Variants in GFRA2 observed in about 807,000 individuals in gnomAD.
GFRA2 encodes GDNF family receptor alpha-2.
Under a neutral mutation model 48.3 loss-of-function variants are expected in GFRA2, and 17 were observed. The ratio of observed to expected loss-of-function variants is 0.35; its 90% CI spans 0.24 to 0.53. The LOEUF is 0.53. Ranked by LOEUF, GFRA2 falls within the 20% of genes least tolerant of loss-of-function variation. The pLI is 0.93. For synonymous variants in GFRA2, 305 were observed against 257.2 expected (o/e 1.19, Z -1.78); for missense variants, 660 against 637.3 (o/e 1.04, Z -0.38).
rs1346574607 is a variant in GFRA2 at position 21,690,941 on chromosome 8, G to A, written c.*2337C>T. On this transcript the variant is annotated 3_prime_UTR_variant, in exon 9 of 9. Transcript: ENST00000524240. The stretch of plus-strand genomic sequence containing the variant: ...AAAGAACACGGATTCCTAAGTGGAT[G>A]CCATGACCACGTCTACCCGCAATGG... The A allele has an allele frequency of 6.6e-6, 1 of 152,224 alleles. No individual in the cohort carries two copies. Among genetic ancestry groups the A allele is most frequent in the Non-Finnish European group, 1.5e-5 (1 of 68,044 alleles). The allele number at this position is 152,224 out of a possible 1,614,324, so 9.4% of individuals were successfully genotyped here. A position where few individuals can be genotyped will look rare whatever the true frequency, so the allele number is the denominator to read the frequency against.
chr8:21,783,206 G>A, intron 1 of GFRA2: 1 of 526,408 alleles, frequency 1.9e-6, no homozygotes, highest in Non-Finnish European at 3.6e-6. Flanking sequence ...AAGACGTCAG[G>A]AGCCCAGAGG....
rs139294629 is a variant in GFRA2 at position 21,723,846 on chromosome 8, C to T, written c.795-17805G>A. On this transcript the variant is annotated intron_variant, in intron 4 of 8. Coordinates refer to ENST00000524240, the MANE Select transcript of GFRA2 (RefSeq NM_001495.5). ...CAGTTCCTTCATCCCGCTTGTGCAG[C>T]GGGCATCTGGGGTGCTAGGTCAAAG... 3.8e-4 allele frequency among the ~76,000 whole-genome samples: 58 copies of T among 152,276 alleles called. 1 individual carries two copies. In the East Asian group the frequency reaches 8.5e-3, roughly 22 times the overall value.
At chr8:21,715,362 G>A (rs893804656) in intron 4 of GFRA2, among the ~76,000 whole-genome samples, 3 of 152,212 alleles carry the variant, frequency 2.0e-5, no homozygotes, top group Admixed American at 6.5e-5. Flanking sequence ...AGGCTGGAGT[G>A]CAATGGCGTG....
intron 1 of GFRA2, among the ~76,000 whole-genome samples, chr8:21,784,485 G>A (rs1053695551): frequency 7.9e-5 from 12 of 152,194 alleles, no homozygotes; most frequent in African/African-American, 2.9e-4. Flanking sequence ...TCCCCCGGGA[G>A]GCCCTGCTCA....
At chr8:21,748,088 C>A (rs971489246) in intron 4 of GFRA2, among the ~76,000 whole-genome samples, 1 of 152,190 alleles carries the variant, frequency 6.6e-6, no homozygotes, top group African/African-American at 2.4e-5. Context: ...TGAGCTCTAG[C>A]AACCCCTCCT....
intron 3 of GFRA2, among the ~76,000 whole-genome samples, chr8:21,760,206 T>C (rs1805832974): frequency 6.6e-6 from 1 of 152,158 alleles, no homozygotes; most frequent in South Asian, 2.1e-4. Context: ...CTTCAGATTT[T>C]ATTCTAAAAT....
At position 21,810,306 on chromosome 8, in the gene GFRA2, C is replaced by G. The variant is rs144619133; in HGVS notation, c.-148+1925G>C. ...CCACAACATGCAATCCTTCCCCACT[C>G]CCTCCTTAGCAAACCCTCCAGCTTG... On this transcript the variant is annotated intron_variant, in intron 1 of 10. Coordinates refer to the GFRA2 transcript ENST00000517328. Among the ~76,000 whole-genome samples, 673 of 152,280 alleles carry G rather than the reference C, an allele frequency of 4.4e-3. 1 individual carries two copies. The highest frequency in any genetic ancestry group is 6.7e-3 in the Non-Finnish European group (458 of 68,022).
At chr8:21,796,490 G>A (rs1807679940) in intron 2 of GFRA2, among the ~76,000 whole-genome samples, 1 of 152,234 alleles carries the variant, frequency 6.6e-6, no homozygotes, top group Non-Finnish European at 1.5e-5. Flanking sequence ...TCACTCAAAA[G>A]GCACAGGTCC....
At chr8:21,740,692 G>A (rs370554617) in intron 4 of GFRA2, among the ~76,000 whole-genome samples, 2 of 152,226 alleles carry the variant, frequency 1.3e-5, no homozygotes, top group South Asian at 2.1e-4. Flanking sequence ...CCATAAATAC[G>A]CTAATGCCCC....
intron 4 of GFRA2, among the ~76,000 whole-genome samples, chr8:21,707,093 T>C (rs563415427): frequency 2.6e-5 from 4 of 152,222 alleles, no homozygotes; most frequent in African/African-American, 9.6e-5. Flanking sequence ...CAGCTCCAAA[T>C]AGCTAGTAAT....
intron 2 of GFRA2, among the ~76,000 whole-genome samples, chr8:21,794,531 G>A (rs1252510476): frequency 7.2e-5 from 11 of 152,188 alleles, no homozygotes; most frequent in South Asian, 2.1e-4. Context: ...GATTACAGGC[G>A]TGAGCCACCA....
At chr8:21,722,352 G>A (rs1001482624) in intron 4 of GFRA2, among the ~76,000 whole-genome samples, 10 of 152,202 alleles carry the variant, frequency 6.6e-5, no homozygotes, top group African/African-American at 2.2e-4. Flanking sequence ...GAGCATATAA[G>A]ACCAGATTAT....
rs969349877 is a variant in GFRA2 at position 21,773,384 on chromosome 8, A to G, written c.439+1588T>C. 1.5e-3 allele frequency among the ~76,000 whole-genome samples: 226 copies of G among 152,314 alleles called. 1 individual carries two copies. The highest frequency in any genetic ancestry group is 5.3e-3 in the African/African-American group (219 of 41,580). On this transcript the variant is annotated intron_variant, in intron 3 of 8. Transcript: ENST00000524240. Reference sequence around the variant, plus strand: ...CCACCCCAACCACCGCCAGTGCCCAAGGCCACACCCAGATGGCCACCCACT... The same window carrying G: ...CCACCCCAACCACCGCCAGTGCCCAGGGCCACACCCAGATGGCCACCCACT...
At chr8:21,739,555 A>G (rs1804649215) in intron 4 of GFRA2, among the ~76,000 whole-genome samples, 1 of 152,190 alleles carries the variant, frequency 6.6e-6, no homozygotes, top group African/African-American at 2.4e-5. Context: ...GAGGCCTCTG[A>G]GTCTTCCATG....
chr8:21,783,645 C>T (rs1429307055), intron 1 of GFRA2, among the ~76,000 whole-genome samples: 3 of 152,020 alleles, frequency 2.0e-5, no homozygotes, highest in Admixed American at 6.6e-5. Flanking sequence ...CACCCCTCCA[C>T]ACCTTCTAGT....
intron 3 of GFRA2, among the ~76,000 whole-genome samples, chr8:21,768,703 T>C (rs1806298714): frequency 6.6e-6 from 1 of 152,088 alleles, no homozygotes; most frequent in Non-Finnish European, 1.5e-5. Context: ...TCCTGGGAAC[T>C]GACTTTTGAG....
chr8:21,769,284 G>T (rs79579336), intron 3 of GFRA2: 2 of 351,496 alleles, frequency 5.7e-6, no homozygotes, highest in Non-Finnish European at 7.5e-6. Context: ...TTCCATGATC[G>T]ATTCCTGCAC....
upstream of GFRA2, among the ~76,000 whole-genome samples, chr8:21,792,259 C>T (rs948581591): frequency 1.4e-4 from 22 of 152,364 alleles, no homozygotes; most frequent in African/African-American, 4.3e-4. Context: ...CTGGGCCACA[C>T]TGCTCACTGA....
intron 7 of GFRA2, 108 bp from the exon 8 acceptor site, chr8:21,694,625 C>CGGAGCCA: frequency 1.0e-6 from 1 of 990,264 alleles, no homozygotes; most frequent in Non-Finnish European, 1.6e-6. Flanking sequence ...CTCCGCTAAG[C>CGGAGCCA]ACAGCCAGCG....
Sources: gnomAD v4.1 joint callset for allele counts (sites outside exome capture counted in the v4.1 genomes callset) on GRCh38, gnomAD v4.1.1 for gene constraint, MANE v1.5 for transcripts, NCBI Gene and HGNC (gene_info 2026-07-23, HGNC 2026-07-21) for gene names.